NLGN1: variants seen among roughly 807,000 people sequenced by gnomAD.
NLGN1 encodes neuroligin 1, also known as neuroligin-1.
A neutral mutation model predicts 65.5 loss-of-function variants in NLGN1; 12 were observed. That is an observed-to-expected ratio of 0.18 (90% CI 0.12 to 0.30). The LOEUF is 0.30. Ranked by LOEUF, NLGN1 falls within the 10% of genes least tolerant of loss-of-function variation. NLGN1 has a pLI of 1.00. For missense variants in NLGN1, 750 were observed against 1,007.1 expected (o/e 0.74, Z 3.46); for synonymous variants, 350 against 359.5 (o/e 0.97, Z 0.30).
chr3:174,286,139 T>C (rs1388113675), exon 7 of NLGN1: 1 of 151,410 alleles, frequency 6.6e-6, no homozygotes, highest in Non-Finnish European at 1.5e-5. Context: ...TAGTCAGCTA[T>C]TACGTACACC....
chr3:174,241,502 AT>A, intron 4 of NLGN1, among the ~76,000 whole-genome samples: 1 of 151,692 alleles, frequency 6.6e-6, no homozygotes, highest in East Asian at 1.9e-4. Context: ...TTATCCACCA[AT>A]TAAAAAAAAA....
At chr3:174,197,518 C>CAAAAAAAAAAAAAA (rs10663769) in intron 4 of NLGN1, among the ~76,000 whole-genome samples, 10 of 100,386 alleles carry the variant, frequency 1.0e-4, no homozygotes, top group African/African-American at 1.7e-4. Flanking sequence ...TACTTAACCT[C>CAAAAAAAAAAAAAA]AAAAAAAAAA....
At chr3:174,107,645 AAATT>A (rs1232070965) in intron 4 of NLGN1, among the ~76,000 whole-genome samples, 2 of 152,156 alleles carry the variant, frequency 1.3e-5, no homozygotes, top group Non-Finnish European at 2.9e-5. Context: ...CCTGAGAAAA[AAATT>A]CCCAAAAGTT....
intron 4 of NLGN1, among the ~76,000 whole-genome samples, chr3:174,154,545 G>A (rs1724971691): frequency 1.3e-5 from 2 of 151,982 alleles, no homozygotes; most frequent in Admixed American, 1.3e-4. Flanking sequence ...GATGAAATGT[G>A]TTACAATGAG....
intron 4 of NLGN1, among the ~76,000 whole-genome samples, chr3:174,018,959 G>A (rs536967074): frequency 1.3e-5 from 2 of 152,028 alleles, no homozygotes; most frequent in African/African-American, 4.8e-5. Context: ...CTGAAAAATA[G>A]CCCCAAATAT....
intron 3 of NLGN1, among the ~76,000 whole-genome samples, chr3:173,759,866 C>T (rs1448657129): frequency 6.6e-6 from 1 of 151,740 alleles, no homozygotes; most frequent in African/African-American, 2.4e-5. Flanking sequence ...TTATTTATCT[C>T]CCAAATTGTC....
chr3:174,145,597 T>G (rs1212250271), intron 4 of NLGN1, among the ~76,000 whole-genome samples: 1 of 152,226 alleles, frequency 6.6e-6, no homozygotes, highest in East Asian at 1.9e-4. Flanking sequence ...ACACCTGCTT[T>G]TTAAAAATGA....
At chr3:173,709,156 A>T (rs574254706) in intron 3 of NLGN1, among the ~76,000 whole-genome samples, 2 of 152,198 alleles carry the variant, frequency 1.3e-5, no homozygotes, top group African/African-American at 2.4e-5. Context: ...TTAGTGATTT[A>T]AAAATACCGA....
At chr3:173,941,471 C>G (rs1214456107) in intron 4 of NLGN1, among the ~76,000 whole-genome samples, 2 of 151,904 alleles carry the variant, frequency 1.3e-5, no homozygotes, top group Non-Finnish European at 2.9e-5. Context: ...TATTGGACTC[C>G]CAGGCCTTCC....
At chr3:173,908,432 G>T (rs578009079) in intron 4 of NLGN1, among the ~76,000 whole-genome samples, 1 of 152,292 alleles carries the variant, frequency 6.6e-6, no homozygotes, top group South Asian at 2.1e-4. Flanking sequence ...CTCACTTGTG[G>T]TAAGATATCT....
chr3:173,754,149 C>T lies in NLGN1; in HGVS notation c.494-53531C>T, dbSNP rs180982897. On this transcript the variant is annotated intron_variant, in intron 3 of 6. Transcript: ENST00000457714. ...GTAACCTCTGCCTCTCAGGCTCAGG[C>T]GATCCTCGCACCTCAGCTTCCTAAG... 1.7e-4 allele frequency among the ~76,000 whole-genome samples: 25 copies of T among 151,206 alleles called. 1 individual carries two copies. The highest frequency in any genetic ancestry group is 4.6e-4 in the African/African-American group (19 of 41,214).
In NLGN1 at chr3:173,418,565, A is replaced by G. The variant is rs74483449; in HGVS notation, c.-389-16445A>G. 6.8e-4 allele frequency among the ~76,000 whole-genome samples: 104 copies of G among 152,302 alleles called. No individual in the cohort carries two copies. The East Asian group carries it at 0.019, about 27-fold the overall frequency. ...TAGGTATGATCTTTCTTCTCATTGT[A>G]TAAATTGGCAAGTCTTTGATAGCTA... On this transcript the variant is annotated intron_variant, in intron 1 of 6. Coordinates refer to ENST00000457714, the Ensembl canonical transcript of NLGN1.
chr3:173,862,351 A>G (rs1201125477), intron 4 of NLGN1, among the ~76,000 whole-genome samples: 11 of 151,248 alleles, frequency 7.3e-5, no homozygotes, highest in African/African-American at 2.7e-4. Flanking sequence ...CTAAAAATAC[A>G]AAAAATTAGC....
intron 4 of NLGN1, among the ~76,000 whole-genome samples, chr3:174,121,199 A>G (rs1717709703): frequency 6.6e-6 from 1 of 152,180 alleles, no homozygotes; most frequent in Admixed American, 6.5e-5. Flanking sequence ...GCTGCTTTGG[A>G]CTGGTAACTA....
chr3:173,716,057 A>G (rs1578097473), intron 3 of NLGN1, among the ~76,000 whole-genome samples: 1 of 152,196 alleles, frequency 6.6e-6, no homozygotes, highest in Non-Finnish European at 1.5e-5. Context: ...AGACAATTCT[A>G]CCATTCATAC....
intron 3 of NLGN1, among the ~76,000 whole-genome samples, chr3:173,612,048 G>C (rs1752382917): frequency 6.6e-6 from 1 of 151,700 alleles, no homozygotes; most frequent in African/African-American, 2.4e-5. Context: ...TACACATTTT[G>C]TAGATAATAT....
chr3:174,056,261 A>G (rs999206991), intron 4 of NLGN1, among the ~76,000 whole-genome samples: 2 of 151,990 alleles, frequency 1.3e-5, no homozygotes, highest in African/African-American at 4.8e-5. Flanking sequence ...GTATGTTGGT[A>G]ATTCCTCGTG....
intron 3 of NLGN1, among the ~76,000 whole-genome samples, 183 bp from the exon 4 acceptor site, chr3:173,807,497 G>A (rs1013013174): frequency 3.3e-5 from 5 of 152,138 alleles, no homozygotes; most frequent in Admixed American, 6.6e-5. Flanking sequence ...AACAATGGAT[G>A]CCTATTGCTA....
intron 3 of NLGN1, among the ~76,000 whole-genome samples, chr3:173,671,941 G>A (rs140956573): frequency 4.6e-5 from 7 of 152,102 alleles, no homozygotes; most frequent in Non-Finnish European, 7.4e-5. Flanking sequence ...TTGGGAGGCC[G>A]AGGTGGGTGG....
Sources: allele counts gnomAD v4.1 joint callset (sites outside exome capture counted in the v4.1 genomes callset), GRCh38; gene constraint gnomAD v4.1.1; transcripts MANE v1.5; gene names NCBI Gene and HGNC (gene_info 2026-07-23, HGNC 2026-07-21).